Variants in SV2C observed in about 807,000 individuals in gnomAD.
SV2C encodes the protein synaptic vesicle glycoprotein 2C, also known as solute carrier family 22 member B3.
In SV2C, 49 loss-of-function variants were observed where a neutral mutation model predicts 79.7. That is an observed-to-expected ratio of 0.61 (90% CI 0.49 to 0.78). The LOEUF (loss-of-function observed/expected upper bound fraction) is 0.78, where lower values mean the gene tolerates loss of function less well. Among genes scored for constraint, SV2C ranks in the 30% least tolerant of loss-of-function variants. The pLI is 0.00. For synonymous variants in SV2C, 334 were observed against 333.2 expected (o/e 1.00, Z -0.03); for missense variants, 833 against 912.9 (o/e 0.91, Z 1.13).
chr5:75,983,983 G>T, the SV2C span, among the ~76,000 whole-genome samples: 152,215 of 152,220 alleles, frequency 1, 76,105 homozygotes, highest in Non-Finnish European at 1. Flanking sequence ...CTAAAATGCC[G>T]AGTTGTCTCA....
At chr5:75,885,799 A>C in the SV2C span, among the ~76,000 whole-genome samples, 1 of 152,112 alleles carries the variant, frequency 6.6e-6, no homozygotes, top group Non-Finnish European at 1.5e-5. Flanking sequence ...TAAACATCTC[A>C]GACTCTTCCC....
intron 9 of SV2C, 38 bp downstream of exon 9, chr5:76,295,980 C>A: frequency 6.6e-7 from 1 of 1,524,826 alleles, no homozygotes; most frequent in South Asian, 1.3e-5. Flanking sequence ...GCTACCTATT[C>A]ACAAAAACTT....
At chr5:75,887,275 A>G in the SV2C span, among the ~76,000 whole-genome samples, 3 of 151,954 alleles carry the variant, frequency 2.0e-5, no homozygotes, top group Non-Finnish European at 4.4e-5. Context: ...GTTGTTAGCT[A>G]TGGTTATGAT....
intron 1 of SV2C, among the ~76,000 whole-genome samples, chr5:76,119,595 G>T (rs1748411948): frequency 6.6e-6 from 1 of 152,070 alleles, no homozygotes; most frequent in Non-Finnish European, 1.5e-5. Flanking sequence ...GAGCCTGCCA[G>T]TATTTCTGTA....
At chr5:76,264,542 G>A (rs1036284873) in intron 4 of SV2C, among the ~76,000 whole-genome samples, 3 of 152,114 alleles carry the variant, frequency 2.0e-5, no homozygotes, top group Non-Finnish European at 4.4e-5. Context: ...CAGCATTTTT[G>A]TGCTGGTTTT....
the SV2C span, among the ~76,000 whole-genome samples, chr5:76,077,033 A>G: frequency 1.6e-4 from 25 of 152,352 alleles, no homozygotes; most frequent in Admixed American, 3.3e-4. Flanking sequence ...CTGTTTAAGA[A>G]GTATTCATTA....
intron 2 of SV2C, among the ~76,000 whole-genome samples, chr5:76,136,930 G>A (rs978420230): frequency 5.9e-5 from 9 of 152,148 alleles, no homozygotes; most frequent in African/African-American, 2.2e-4. Flanking sequence ...CCAAGATAGG[G>A]GTTTGGACTT....
intron 1 of SV2C, among the ~76,000 whole-genome samples, chr5:76,117,662 T>A (rs1330800392): frequency 6.6e-6 from 1 of 152,168 alleles, no homozygotes; most frequent in African/African-American, 2.4e-5. Flanking sequence ...ATTTTTTCTC[T>A]TATAAAATGG....
At chr5:75,913,370 A>C in the SV2C span, among the ~76,000 whole-genome samples, 3 of 152,208 alleles carry the variant, frequency 2.0e-5, no homozygotes, top group Non-Finnish European at 4.4e-5. Context: ...GGAAAGTTCT[A>C]GCTCACAAAG....
intron 2 of SV2C, among the ~76,000 whole-genome samples, chr5:76,150,273 G>A (rs377415382): frequency 2.6e-5 from 4 of 151,876 alleles, no homozygotes; most frequent in Non-Finnish European, 4.4e-5. Context: ...TGCCTCTCGG[G>A]TTCAAGTGAT....
chr5:76,257,917 G>A (rs796901190), intron 4 of SV2C, among the ~76,000 whole-genome samples: 3 of 120,624 alleles, frequency 2.5e-5, no homozygotes, highest in African/African-American at 1.0e-4. Flanking sequence ...GGTGTGTGTG[G>A]TGTGTGTATG....
chr5:76,090,250 CT>C (rs1747330423), intron 1 of SV2C, among the ~76,000 whole-genome samples: 2 of 152,198 alleles, frequency 1.3e-5, no homozygotes, highest in African/African-American at 4.8e-5. Flanking sequence ...GTTTAGTGTT[CT>C]GCTATCACCT....
At chr5:76,119,520 G>A (rs567300029) in intron 1 of SV2C, among the ~76,000 whole-genome samples, 66 of 152,072 alleles carry the variant, frequency 4.3e-4, no homozygotes, top group Non-Finnish European at 8.4e-4. Context: ...TGGAAGAAGG[G>A]ACAGTCCACA....
downstream of SV2C, among the ~76,000 whole-genome samples, chr5:76,335,255 C>G (rs967974120): frequency 2.0e-5 from 3 of 152,104 alleles, no homozygotes; most frequent in South Asian, 2.1e-4. Flanking sequence ...GGTTCTCTCC[C>G]CCAGCTAGAT....
chr5:75,902,460 C>T, the SV2C span, among the ~76,000 whole-genome samples: 1 of 152,218 alleles, frequency 6.6e-6, no homozygotes, highest in Non-Finnish European at 1.5e-5. Flanking sequence ...GCTGTCATCC[C>T]TTTCACCTCT....
chr5:76,048,490 C>A, the SV2C span, among the ~76,000 whole-genome samples: 1 of 152,162 alleles, frequency 6.6e-6, no homozygotes, highest in African/African-American at 2.4e-5. Context: ...CACAGACACA[C>A]CCAGAAATAA....
intron 8 of SV2C, among the ~76,000 whole-genome samples, chr5:76,295,163 T>C (rs181097590): frequency 9.2e-5 from 14 of 152,272 alleles, no homozygotes; most frequent in Admixed American, 2.0e-4. Flanking sequence ...TTTTTCACAG[T>C]CCTGAAGACT....
At chr5:75,919,514 A>G in the SV2C span, among the ~76,000 whole-genome samples, 2 of 152,294 alleles carry the variant, frequency 1.3e-5, no homozygotes, top group East Asian at 3.9e-4. Context: ...AACTTCCCCA[A>G]AGATCCATGA....
At chr5:76,192,696 T>C (rs1744141343) in intron 2 of SV2C, among the ~76,000 whole-genome samples, 1 of 152,220 alleles carries the variant, frequency 6.6e-6, no homozygotes, top group African/African-American at 2.4e-5. Flanking sequence ...AACCTTCTAA[T>C]TGTGCTGTGT....
Sources: gnomAD v4.1 joint callset for allele counts (sites outside exome capture counted in the v4.1 genomes callset) on GRCh38, gnomAD v4.1.1 for gene constraint, MANE v1.5 for transcripts, NCBI Gene and HGNC (gene_info 2026-07-23, HGNC 2026-07-21) for gene names.